PFKFB3: variants seen among roughly 807,000 people sequenced by gnomAD.
PFKFB3 encodes 6-phosphofructo-2-kinase/fructose-2,6-biphosphatase 3, also known as 6-phosphofructo-2-kinase/fructose-2,6-bisphosphatase 3.
Under a neutral mutation model 68.0 loss-of-function variants are expected in PFKFB3, and 33 were observed. The ratio of observed to expected loss-of-function variants is 0.49; its 90% CI spans 0.37 to 0.65. The LOEUF (loss-of-function observed/expected upper bound fraction) is 0.65. PFKFB3 is among the 30% of genes least tolerant of loss of function. The pLI is 0.00. For missense variants in PFKFB3, 586 were observed against 712.2 expected, an observed-to-expected ratio of 0.82 and a Z score of 2.02; for synonymous variants, 315 against 288.2, an observed-to-expected ratio of 1.09 and a Z score of -0.94.
At chr10:6,280,346 G>T in the PFKFB3 span, among the ~76,000 whole-genome samples, 1 of 152,212 alleles carries the variant, frequency 6.6e-6, no homozygotes, top group African/African-American at 2.4e-5. Context: ...TTGGGCATGG[G>T]CCATGTCATG....
At chr10:6,311,716 G>A in the PFKFB3 span, among the ~76,000 whole-genome samples, 10 of 151,964 alleles carry the variant, frequency 6.6e-5, no homozygotes, top group African/African-American at 2.4e-4. Flanking sequence ...ACCACTGCAC[G>A]TCAGCGTGGG....
the PFKFB3 span, among the ~76,000 whole-genome samples, chr10:6,289,825 C>T: frequency 1.3e-5 from 2 of 151,854 alleles, no homozygotes; most frequent in East Asian, 1.9e-4. Context: ...ATTGATTCTT[C>T]CTACCCATGA....
intron 1 of PFKFB3, among the ~76,000 whole-genome samples, chr10:6,173,965 G>A (rs1203157469): frequency 2.0e-5 from 3 of 152,044 alleles, no homozygotes; most frequent in African/African-American, 7.2e-5. Flanking sequence ...GTCCAGGTGC[G>A]GCATTTAGAA....
At chr10:6,324,617 A>C in the PFKFB3 span, among the ~76,000 whole-genome samples, 1 of 152,028 alleles carries the variant, frequency 6.6e-6, no homozygotes, top group South Asian at 2.1e-4. Context: ...TTTAGTGGAC[A>C]CGGGGTTTTG....
upstream of PFKFB3, among the ~76,000 whole-genome samples, chr10:6,200,667 G>GTC (rs1843312363): frequency 3.7e-5 from 3 of 81,656 alleles, no homozygotes; most frequent in Non-Finnish European, 7.8e-5. Context: ...AGCGGGGGGG[G>GTC]GGGGGGGGCG....
rs1375867755 is a variant in PFKFB3, at chr10:6,210,364, G to GTTTTTTTTTTTTTTTTTTGT, written c.77-3245_77-3244insTTTTGTTTTTTTTTTTTTTT. Among the ~76,000 whole-genome samples the GTTTTTTTTTTTTTTTTTTGT allele has an allele frequency of 1.2e-4, 7 of 58,638 alleles. 1 individual carries two copies. Among genetic ancestry groups the GTTTTTTTTTTTTTTTTTTGT allele is most frequent in the South Asian group, 6.4e-4 (1 of 1,570 alleles). 38.5% of individuals were successfully genotyped at this position (58,638 alleles called of 152,430 possible). On this transcript the variant is annotated intron_variant, in intron 1 of 14. Transcript: ENST00000379775. The stretch of plus-strand genomic sequence containing the variant: ...TTTTTTTGTTTTTTTTTGTTTTTTT[G>GTTTTTTTTTTTTTTTTTTGT]TTTTTTTTTTTTTTGAGACGAAGTT...
At chr10:6,156,546 G>A (rs140415576) in intron 1 of PFKFB3, among the ~76,000 whole-genome samples, 10 of 149,122 alleles carry the variant, frequency 6.7e-5, no homozygotes, top group African/African-American at 1.7e-4. Flanking sequence ...CTCGCTCTGC[G>A]GCCCAGGCTG....
rs1022899894 is a variant in PFKFB3, at chr10:6,146,578, G to A, written c.16+1565G>A. 9 of 1,331,180 alleles carry A rather than the reference G, an allele frequency of 6.8e-6. No homozygotes were observed. In the African/African-American group the frequency reaches 8.7e-5, roughly 13 times the overall value. 82.5% of individuals were successfully genotyped at this position (1,331,180 alleles called of 1,614,324 possible). A position where few individuals can be genotyped will look rare whatever the true frequency, so the allele number is the denominator to read the frequency against. On this transcript the variant is annotated intron_variant, in intron 1 of 14. Coordinates refer to the PFKFB3 transcript ENST00000379789. ...CCCCCCCTACTCATTAACTGCAGGG[G>A]ACAATCATTTATCTCTGACTTCATC...
chr10:6,202,541 C>G (rs1843406264), upstream of PFKFB3: 1 of 152,612 alleles, frequency 6.6e-6, no homozygotes, highest in East Asian at 1.9e-4. Flanking sequence ...AAGCAGCTTC[C>G]CAAGGGATTC....
At chr10:6,245,286 G>A (rs1036697345) in intron 14 of PFKFB3, among the ~76,000 whole-genome samples, 3 of 151,696 alleles carry the variant, frequency 2.0e-5, no homozygotes, top group Non-Finnish European at 4.4e-5. Flanking sequence ...TAGTAGAGAC[G>A]GGGTTTCACC....
intron 1 of PFKFB3, chr10:6,146,494 C>T (rs1841392953): frequency 6.5e-7 from 1 of 1,535,264 alleles, no homozygotes; most frequent in Non-Finnish European, 8.7e-7. Flanking sequence ...TCCATTAATC[C>T]AGGTATGATT....
intron 1 of PFKFB3, among the ~76,000 whole-genome samples, chr10:6,145,988 G>T (rs1278065067): frequency 6.6e-6 from 1 of 152,230 alleles, no homozygotes; most frequent in South Asian, 2.1e-4. Flanking sequence ...GGGGAGGGGG[G>T]CCTCGATTTG....
the PFKFB3 span, among the ~76,000 whole-genome samples, chr10:6,281,811 A>G: frequency 0.54 from 82,113 of 151,538 alleles, 25,092 homozygotes; most frequent in Non-Finnish European, 0.71. Context: ...AGCAGGCTTC[A>G]CTTTAGTAAG....
chr10:6,187,246 A>G (rs973886664), intron 1 of PFKFB3, among the ~76,000 whole-genome samples: 1 of 151,736 alleles, frequency 6.6e-6, no homozygotes, highest in Non-Finnish European at 1.5e-5. Flanking sequence ...CTGTAATCCC[A>G]GCTACTTGGG....
chr10:6,308,787 C>CA, the PFKFB3 span, among the ~76,000 whole-genome samples: 1 of 152,206 alleles, frequency 6.6e-6, no homozygotes, highest in Admixed American at 6.5e-5. Context: ...CATGTCTTTA[C>CA]CTTCTTGATC....
chr10:6,325,699 A>G, the PFKFB3 span, among the ~76,000 whole-genome samples: 1 of 152,218 alleles, frequency 6.6e-6, no homozygotes, highest in Non-Finnish European at 1.5e-5. Context: ...TTAATGCTCA[A>G]TTTAAAATAG....
intron 1 of PFKFB3, among the ~76,000 whole-genome samples, chr10:6,191,501 T>G (rs1304066534): frequency 1.3e-5 from 2 of 152,222 alleles, no homozygotes; most frequent in Non-Finnish European, 2.9e-5. Flanking sequence ...GAGATCATTC[T>G]GAACTTGAGG....
chr10:6,301,006 G>C, the PFKFB3 span, among the ~76,000 whole-genome samples: 21,922 of 152,178 alleles, frequency 0.14, 1,671 homozygotes, highest in East Asian at 0.24. Context: ...TGCCTTTCTG[G>C]TGCACCATGG....
chr10:6,325,831 A>AAGAG, the PFKFB3 span, among the ~76,000 whole-genome samples: 7 of 152,182 alleles, frequency 4.6e-5, no homozygotes, highest in Non-Finnish European at 4.4e-5. Context: ...GTAACCCCCA[A>AAGAG]AGAGATACAC....
Sources: gnomAD v4.1 joint callset for allele counts (sites outside exome capture counted in the v4.1 genomes callset) on GRCh38, gnomAD v4.1.1 for gene constraint, MANE v1.5 for transcripts, NCBI Gene and HGNC (gene_info 2026-07-23, HGNC 2026-07-21) for gene names.